BCKDHB: variants seen among roughly 807,000 people sequenced by gnomAD.
The protein encoded by BCKDHB is branched chain keto acid dehydrogenase E1 subunit beta, also known as 2-oxoisovalerate dehydrogenase subunit beta, mitochondrial.
Under a neutral mutation model 48.5 loss-of-function variants are expected in BCKDHB, and 41 were observed. That is an observed-to-expected ratio of 0.85 (90% CI 0.66 to 1.10). The LOEUF (loss-of-function observed/expected upper bound fraction) is 1.10. Among genes scored for constraint, BCKDHB ranks in the 50% least tolerant of loss-of-function variants. The pLI is 0.00. For synonymous variants in BCKDHB, 201 were observed against 174.8 expected (o/e 1.15, Z -1.18); for missense variants, 496 against 494.2 (o/e 1.00, Z -0.03).
At chr6:80,323,950 T>C (rs1233150827) in intron 9 of BCKDHB, among the ~76,000 whole-genome samples, 2 of 152,150 alleles carry the variant, frequency 1.3e-5, no homozygotes, top group African/African-American at 4.8e-5. Context: ...TTTTTTGTAT[T>C]TTTAGTAGAG....
intron 9 of BCKDHB, among the ~76,000 whole-genome samples, chr6:80,291,184 C>T (rs201669873): frequency 2.6e-5 from 4 of 152,244 alleles, no homozygotes; most frequent in East Asian, 1.9e-4. Context: ...CTGGTTCAAA[C>T]GCCTTTGACA....
the BCKDHB span, among the ~76,000 whole-genome samples, chr6:80,464,468 A>G: frequency 6.6e-6 from 1 of 152,064 alleles, no homozygotes. Flanking sequence ...TCTACTAATT[A>G]TTATTTGTGA....
the BCKDHB span, among the ~76,000 whole-genome samples, chr6:80,439,073 GA>G: frequency 6.6e-6 from 1 of 152,180 alleles, no homozygotes; most frequent in African/African-American, 2.4e-5. Flanking sequence ...GCCACATACA[GA>G]AAACATCTTA....
chr6:80,420,870 G>A, the BCKDHB span, among the ~76,000 whole-genome samples: 1 of 152,214 alleles, frequency 6.6e-6, no homozygotes, highest in Non-Finnish European at 1.5e-5. Context: ...CCCTGTGGAA[G>A]CAATTATGAA....
chr6:80,410,906 G>A, the BCKDHB span, among the ~76,000 whole-genome samples: 1 of 152,110 alleles, frequency 6.6e-6, no homozygotes, highest in Non-Finnish European at 1.5e-5. Flanking sequence ...CTTTAGCTTG[G>A]AGAAGTTTGT....
chr6:80,429,440 T>C, the BCKDHB span, among the ~76,000 whole-genome samples: 58 of 152,338 alleles, frequency 3.8e-4, no homozygotes, highest in South Asian at 8.3e-4. Flanking sequence ...TGGAATAGCA[T>C]TGAATCTATA....
At position 80,203,337 on chromosome 6, in the gene BCKDHB, T is replaced by A; in HGVS notation, c.951+125T>A. 4 of 732,888 alleles carry A rather than the reference T, an allele frequency of 5.5e-6. No homozygotes were observed. The Admixed American group carries it at 8.7e-5, about 16-fold the overall frequency. 45.4% of individuals were successfully genotyped at this position (732,888 alleles called of 1,614,324 possible). On this transcript the variant is annotated intron_variant, in intron 8 of 9. Coordinates refer to ENST00000320393, the MANE Select transcript of BCKDHB (RefSeq NM_183050.4). Reference sequence around the variant, plus strand: ...GCATTTTCAATTGATTTAAAACTTTTAAATTTGCAGCATGAAAGAAAGTTG... The same window carrying A: ...GCATTTTCAATTGATTTAAAACTTTAAAATTTGCAGCATGAAAGAAAGTTG...
intron 9 of BCKDHB, among the ~76,000 whole-genome samples, chr6:80,312,657 T>A (rs1768229051): frequency 6.6e-6 from 1 of 152,168 alleles, no homozygotes; most frequent in Non-Finnish European, 1.5e-5. Flanking sequence ...TGAATTTTAT[T>A]GAAGGCTTTT....
the BCKDHB span, among the ~76,000 whole-genome samples, chr6:80,379,669 GAT>G: frequency 6.6e-6 from 1 of 152,032 alleles, no homozygotes; most frequent in Non-Finnish European, 1.5e-5. Flanking sequence ...TCTGTTTGCT[GAT>G]GACACAACCA....
the BCKDHB span, among the ~76,000 whole-genome samples, chr6:80,442,130 C>T: frequency 6.6e-6 from 1 of 152,128 alleles, no homozygotes; most frequent in African/African-American, 2.4e-5. Context: ...CAATCTAAAA[C>T]ATCAACTAAA....
intron 9 of BCKDHB, among the ~76,000 whole-genome samples, chr6:80,286,293 C>G (rs1349052132): frequency 6.6e-6 from 1 of 152,054 alleles, no homozygotes; most frequent in East Asian, 1.9e-4. Flanking sequence ...TTTAATTTTT[C>G]TTTTTAGAAC....
At chr6:80,111,550 G>A (rs1769409962) in intron 1 of BCKDHB, among the ~76,000 whole-genome samples, 1 of 152,120 alleles carries the variant, frequency 6.6e-6, no homozygotes, top group South Asian at 2.1e-4. Context: ...GATTATCAGA[G>A]GCAAGCCAAA....
chr6:80,464,485 A>T, the BCKDHB span, among the ~76,000 whole-genome samples: 22 of 152,198 alleles, frequency 1.4e-4, no homozygotes, highest in South Asian at 4.6e-3. Flanking sequence ...GTGAAATAAA[A>T]TTTTAAATTA....
chr6:80,254,041 A>G (rs574943477), intron 8 of BCKDHB, among the ~76,000 whole-genome samples: 63 of 152,100 alleles, frequency 4.1e-4, no homozygotes, highest in Non-Finnish European at 6.5e-4. Context: ...TTGTATCAGT[A>G]TTAGTGTTTA....
chr6:80,325,528 A>G (rs1768989243), intron 9 of BCKDHB, among the ~76,000 whole-genome samples: 1 of 152,216 alleles, frequency 6.6e-6, no homozygotes, highest in African/African-American at 2.4e-5. Flanking sequence ...CAGTCTAAAA[A>G]CTGTTTAAGA....
At chr6:80,451,727 T>C in the BCKDHB span, among the ~76,000 whole-genome samples, 130 of 142,624 alleles carry the variant, frequency 9.1e-4, no homozygotes, top group Non-Finnish European at 1.4e-3. Flanking sequence ...AGACTCTGTC[T>C]CAAAAGAAAA....
chr6:80,461,614 A>T, the BCKDHB span, among the ~76,000 whole-genome samples: 1 of 152,026 alleles, frequency 6.6e-6, no homozygotes, highest in Non-Finnish European at 1.5e-5. Context: ...GGATGCTCTG[A>T]TTTCTTTTTA....
At chr6:80,134,051 G>A (rs1433017430) in intron 3 of BCKDHB, among the ~76,000 whole-genome samples, 1 of 151,506 alleles carries the variant, frequency 6.6e-6, no homozygotes, top group Admixed American at 6.6e-5. Context: ...AAGAGTGTAT[G>A]TGTGTGTGTG....
chr6:80,266,392 C>T (rs146997538), intron 8 of BCKDHB, among the ~76,000 whole-genome samples: 252 of 152,184 alleles, frequency 1.7e-3, no homozygotes, highest in African/African-American at 5.8e-3. Context: ...GATGTTTAAG[C>T]TGACAGGGAA....
Sources: allele counts gnomAD v4.1 joint callset (sites outside exome capture counted in the v4.1 genomes callset), GRCh38; gene constraint gnomAD v4.1.1; transcripts MANE v1.5; gene names NCBI Gene and HGNC (gene_info 2026-07-23, HGNC 2026-07-21).